FBXL17: variants seen among roughly 807,000 people sequenced by gnomAD.
The protein encoded by FBXL17 is F-box and leucine rich repeat protein 17, also known as F-box/LRR-repeat protein 17.
Under a neutral mutation model 66.2 loss-of-function variants are expected in FBXL17, and 22 were observed. The observed-to-expected ratio is 0.33, with a 90% CI of 0.24 to 0.47. The LOEUF (loss-of-function observed/expected upper bound fraction) is 0.47, where lower values mean the gene tolerates loss of function less well. FBXL17 is among the 20% of genes least tolerant of loss of function. FBXL17 has a pLI of 1.00. For missense variants in FBXL17, 878 were observed against 948.2 expected (o/e 0.93, Z 0.97); for synonymous variants, 474 against 400.5 (o/e 1.18, Z -2.19).
At chr5:108,120,942 C>T (rs927964076) in intron 6 of FBXL17, among the ~76,000 whole-genome samples, 3 of 152,092 alleles carry the variant, frequency 2.0e-5, no homozygotes, top group African/African-American at 7.2e-5. Context: ...GAACCAAAAA[C>T]AGAACAAAGT....
intron 7 of FBXL17, among the ~76,000 whole-genome samples, chr5:108,015,437 T>C (rs558446070): frequency 1.3e-5 from 2 of 152,256 alleles, no homozygotes; most frequent in East Asian, 1.9e-4. Context: ...AGGAGTGGAA[T>C]CTTACCTAGC....
chr5:108,186,860 T>C (rs1753258675), intron 5 of FBXL17, among the ~76,000 whole-genome samples: 1 of 152,160 alleles, frequency 6.6e-6, no homozygotes, highest in South Asian at 2.1e-4. Flanking sequence ...AGGCAAGGTA[T>C]TGAATATATT....
At chr5:108,278,428 G>A (rs539237606) in intron 4 of FBXL17, among the ~76,000 whole-genome samples, 4 of 152,228 alleles carry the variant, frequency 2.6e-5, no homozygotes, top group Non-Finnish European at 5.9e-5. Context: ...AGAGGCACAA[G>A]TCAGGGGTGG....
intron 7 of FBXL17, among the ~76,000 whole-genome samples, chr5:107,890,257 C>A (rs995571281): frequency 6.6e-6 from 1 of 151,764 alleles, no homozygotes; most frequent in Non-Finnish European, 1.5e-5. Flanking sequence ...TGGGAAAGTA[C>A]ATTAGTGTCT....
chr5:108,206,916 A>G (rs1754144852), intron 5 of FBXL17, among the ~76,000 whole-genome samples: 1 of 152,116 alleles, frequency 6.6e-6, no homozygotes, highest in Non-Finnish European at 1.5e-5. Context: ...GCAGGTACAC[A>G]TTTAACAGTT....
intron 5 of FBXL17, among the ~76,000 whole-genome samples, chr5:108,214,082 T>C (rs1391835609): frequency 6.6e-6 from 1 of 152,208 alleles, no homozygotes; most frequent in Non-Finnish European, 1.5e-5. Context: ...CACACTCACA[T>C]CACTTTTATA....
At chr5:107,998,519 G>T (rs1753572560) in intron 7 of FBXL17, among the ~76,000 whole-genome samples, 1 of 151,876 alleles carries the variant, frequency 6.6e-6, no homozygotes, top group East Asian at 1.9e-4. Flanking sequence ...AATCTACAGA[G>T]ATAAGATTTA....
chr5:108,222,966 G>A (rs1754936679), intron 5 of FBXL17, among the ~76,000 whole-genome samples: 1 of 152,008 alleles, frequency 6.6e-6, no homozygotes, highest in Non-Finnish European at 1.5e-5. Flanking sequence ...GATCCATTGT[G>A]CCTGGCCCGC....
chr5:108,363,326 G>T (rs182767906), intron 3 of FBXL17, among the ~76,000 whole-genome samples: 1 of 152,018 alleles, frequency 6.6e-6, no homozygotes, highest in South Asian at 2.1e-4. Context: ...TCAGAGGAAA[G>T]AGTCTATTAT....
intron 8 of FBXL17, among the ~76,000 whole-genome samples, chr5:107,871,069 A>AAAAAAAAAAAAAACAAAAAC (rs1456052737): frequency 7.7e-6 from 1 of 130,174 alleles, no homozygotes; most frequent in South Asian, 2.3e-4. Context: ...AAAAAAAAAA[A>AAAAAAAAAAAAAACAAAAAC]AAAAAAAAAA....
chr5:108,020,758 T>C (rs1340716305), intron 7 of FBXL17, 167 bp downstream of exon 7: 2 of 529,378 alleles, frequency 3.8e-6, no homozygotes, highest in Non-Finnish European at 6.8e-6. Flanking sequence ...TTTACTCTGG[T>C]TCTTAGCTCA....
At chr5:108,225,788 C>T (rs757833399) in intron 4 of FBXL17, among the ~76,000 whole-genome samples, 5 of 152,120 alleles carry the variant, frequency 3.3e-5, no homozygotes, top group South Asian at 2.1e-4. Flanking sequence ...AGGTTTTGTC[C>T]CTCTCATTCA....
chr5:108,183,034 ATTTTTTTT>A (rs34101023), intron 6 of FBXL17, among the ~76,000 whole-genome samples: 30 of 91,556 alleles, frequency 3.3e-4, no homozygotes, highest in South Asian at 8.3e-4. Flanking sequence ...ACAGTTTTCT[ATTTTTTTT>A]TTTTTTTTTT....
intron 6 of FBXL17, among the ~76,000 whole-genome samples, chr5:108,119,628 A>C (rs561480688): frequency 9.7e-4 from 148 of 152,358 alleles, no homozygotes; most frequent in African/African-American, 3.3e-3. Context: ...CAGAAAATTA[A>C]ATAAGAACAT....
At chr5:108,185,841 G>C (rs185816690) in intron 6 of FBXL17, among the ~76,000 whole-genome samples, 2 of 152,254 alleles carry the variant, frequency 1.3e-5, no homozygotes, top group Non-Finnish European at 1.5e-5. Context: ...AAGCAGGTAT[G>C]TCTTAGATGG....
chr5:108,194,596 G>A lies in FBXL17; in HGVS notation c.1615-8349C>T, dbSNP rs186226886. 1.1e-3 allele frequency among the ~76,000 whole-genome samples: 162 copies of A among 152,088 alleles called. 1 individual carries two copies. The East Asian group carries it at 0.029, about 27-fold the overall frequency. ...CTGATCGCTTCCTTCTCCCCTTCTAGCCTTTCCTAGACTGTGCTGCTCAGG... is the reference window on the plus strand; with the variant it reads ...CTGATCGCTTCCTTCTCCCCTTCTAACCTTTCCTAGACTGTGCTGCTCAGG... On this transcript the variant is annotated intron_variant, in intron 5 of 8. Transcript: ENST00000542267.
At chr5:108,141,410 T>C (rs561930518) in intron 6 of FBXL17, among the ~76,000 whole-genome samples, 2 of 73,736 alleles carry the variant, frequency 2.7e-5, no homozygotes, top group South Asian at 1.5e-3. Context: ...TATATACTTA[T>C]TTGCTAACAT....
intron 3 of FBXL17, 72 bp downstream of exon 3, chr5:108,364,666 T>C (rs1748546744): frequency 2.4e-6 from 3 of 1,235,378 alleles, no homozygotes; most frequent in Admixed American, 4.2e-5. Flanking sequence ...AACGTAACCA[T>C]TTAAAATGTT....
intron 4 of FBXL17, among the ~76,000 whole-genome samples, chr5:108,318,409 T>C (rs1759469567): frequency 6.6e-6 from 1 of 151,796 alleles, no homozygotes; most frequent in Admixed American, 6.6e-5. Flanking sequence ...TCTATTTTGA[T>C]TTCCAAATAA....
Sources: gnomAD v4.1 joint callset for allele counts (sites outside exome capture counted in the v4.1 genomes callset) on GRCh38, gnomAD v4.1.1 for gene constraint, MANE v1.5 for transcripts, NCBI Gene and HGNC (gene_info 2026-07-23, HGNC 2026-07-21) for gene names.